The following CHLSN variants were observed in gnomAD, a reference collection of about 807,000 sequenced individuals.
CHLSN encodes the protein cholesin.
At chr7:1,074,239 C>T in the CHLSN span, among the ~76,000 whole-genome samples, 1 of 83,868 alleles carries the variant, frequency 1.2e-5, no homozygotes, top group South Asian at 4.7e-4. Context: ...GCCGTCACTC[C>T]CCCGACCCCG....
chr7:1,118,001 A>G, the CHLSN span, among the ~76,000 whole-genome samples: 1 of 152,182 alleles, frequency 6.6e-6, no homozygotes, highest in Non-Finnish European at 1.5e-5. Context: ...CGTTCCTGCT[A>G]CGGGAATGCT....
chr7:1,099,094 C>T, the CHLSN span, among the ~76,000 whole-genome samples: 3 of 141,840 alleles, frequency 2.1e-5, no homozygotes, highest in Admixed American at 7.2e-5. Context: ...CTTGCAGCGG[C>T]CTCCCCTTCC....
the CHLSN span, chr7:1,092,896 G>C: frequency 6.4e-7 from 1 of 1,571,284 alleles, no homozygotes; most frequent in African/African-American, 1.3e-5. Context: ...GTGTGACTCG[G>C]GAGCTGCACA....
At chr7:1,035,486 A>T in the CHLSN span, among the ~76,000 whole-genome samples, 1 of 152,274 alleles carries the variant, frequency 6.6e-6, no homozygotes. Flanking sequence ...CCACAGGAAA[A>T]CAATAAACCT....
chr7:1,090,425 G>A, the CHLSN span, among the ~76,000 whole-genome samples: 5 of 150,328 alleles, frequency 3.3e-5, no homozygotes, highest in East Asian at 2.0e-4. Flanking sequence ...GGGGTGACAC[G>A]GGGCAGGTGA....
At chr7:1,066,466 C>G in the CHLSN span, among the ~76,000 whole-genome samples, 1 of 152,250 alleles carries the variant, frequency 6.6e-6, no homozygotes, top group Non-Finnish European at 1.5e-5. Context: ...TGCTCAACAG[C>G]CTTTCCCTTC....
chr7:987,106 G>T, the CHLSN span: 1 of 1,542,662 alleles, frequency 6.5e-7, no homozygotes, highest in Non-Finnish European at 8.8e-7. Context: ...CGCCTCTGCA[G>T]GGGGATGACC....
the CHLSN span, among the ~76,000 whole-genome samples, chr7:1,104,977 G>T: frequency 6.6e-6 from 1 of 152,192 alleles, no homozygotes; most frequent in Non-Finnish European, 1.5e-5. Context: ...AAGTTCAGAG[G>T]CTTCCTTTGA....
the CHLSN span, among the ~76,000 whole-genome samples, chr7:1,070,703 C>G: frequency 1.0e-4 from 15 of 148,574 alleles, no homozygotes; most frequent in Non-Finnish European, 2.1e-4. Flanking sequence ...CACACGCGAG[C>G]ACATGAACAC....
chr7:983,502 G>A, the CHLSN span: 3 of 1,094,514 alleles, frequency 2.7e-6, no homozygotes, highest in Non-Finnish European at 3.6e-6. Flanking sequence ...GCCGGGCCCA[G>A]CGGGGCACGC....
chr7:1,040,050 T>C, the CHLSN span, among the ~76,000 whole-genome samples: 1 of 135,408 alleles, frequency 7.4e-6, no homozygotes, highest in East Asian at 2.0e-4. Flanking sequence ...GGCTGCAGGG[T>C]CCTCTGCCTA....
chr7:998,106 G>A, the CHLSN span, among the ~76,000 whole-genome samples: 1 of 152,316 alleles, frequency 6.6e-6, no homozygotes, highest in East Asian at 1.9e-4. Context: ...AAATTAAACA[G>A]GGGTAGGCGG....
the CHLSN span, among the ~76,000 whole-genome samples, chr7:1,040,021 G>A: frequency 7.8e-6 from 1 of 128,788 alleles, no homozygotes; most frequent in Non-Finnish European, 1.7e-5. Context: ...AAGTAATCAG[G>A]GACACAAACA....
At chr7:1,030,217 G>A in the CHLSN span, among the ~76,000 whole-genome samples, 2 of 151,940 alleles carry the variant, frequency 1.3e-5, no homozygotes. Flanking sequence ...CGAACGCAAC[G>A]ACCCACGCAT....
chr7:1,030,327 A>C, the CHLSN span, among the ~76,000 whole-genome samples: 1 of 152,192 alleles, frequency 6.6e-6, no homozygotes, highest in South Asian at 2.1e-4. Context: ...CCCGGGGACC[A>C]GGTTTCTTCT....
At chr7:1,123,747 C>A in the CHLSN span, among the ~76,000 whole-genome samples, 1 of 152,114 alleles carries the variant, frequency 6.6e-6, no homozygotes, top group Non-Finnish European at 1.5e-5. This position sits in a 1 kb window ranked among gnomAD's most constrained non-coding sequence, Gnocchi z 4.4. Flanking sequence ...CATCTGAAAA[C>A]CCTCCCAGTA....
chr7:1,047,680 C>G, the CHLSN span, among the ~76,000 whole-genome samples: 2 of 152,250 alleles, frequency 1.3e-5, no homozygotes, highest in African/African-American at 4.8e-5. Context: ...CGGCCAGGAG[C>G]TGGCCGTGGC....
At chr7:1,008,809 TAC>T in the CHLSN span, among the ~76,000 whole-genome samples, 2 of 119,414 alleles carry the variant, frequency 1.7e-5, no homozygotes, top group African/African-American at 3.5e-5. Flanking sequence ...TGTATACATG[TAC>T]ACACGCACAT....
chr7:1,071,207 T>C, the CHLSN span, among the ~76,000 whole-genome samples: 1 of 152,254 alleles, frequency 6.6e-6, no homozygotes, highest in Non-Finnish European at 1.5e-5. Flanking sequence ...GTCAATCTTT[T>C]AATGACCCTC....
Sources: gnomAD v4.1 joint callset for allele counts (sites outside exome capture counted in the v4.1 genomes callset) on GRCh38, gnomAD v4.1.1 for gene constraint, Gnocchi (gnomAD v3.1) non-coding constraint, MANE v1.5 for transcripts, NCBI Gene and HGNC (gene_info 2026-07-23, HGNC 2026-07-21) for gene names.